ANO3: variants seen among roughly 807,000 people sequenced by gnomAD.
The protein encoded by ANO3 is anoctamin 3, also known as anoctamin-3.
ANO3 carries 99 observed loss-of-function variants against 144.8 expected under a neutral mutation model. The observed-to-expected ratio is 0.68, with a 90% confidence interval of 0.58 to 0.81. ANO3 has a LOEUF of 0.81. ANO3 is among the 30% of genes least tolerant of loss of function. The pLI, the probability that ANO3 is intolerant of heterozygous loss-of-function variation, is 0.00. For missense variants in ANO3, 905 were observed against 1,202.2 expected (o/e 0.75, Z 3.66); for synonymous variants, 414 against 392.6 (o/e 1.05, Z -0.64).
chr11:26,415,559 AT>A (rs555313033), intron 1 of ANO3, among the ~76,000 whole-genome samples: 3 of 151,832 alleles, frequency 2.0e-5, no homozygotes, highest in Admixed American at 2.0e-4. Context: ...TTGATTTTGC[AT>A]TTTTTTTGTT....
intron 3 of ANO3, among the ~76,000 whole-genome samples, chr11:26,450,742 T>C (rs893483182): frequency 1.3e-5 from 2 of 152,146 alleles, no homozygotes; most frequent in African/African-American, 4.8e-5. Context: ...AGACTCAAAT[T>C]AGACAATATT....
intron 14 of ANO3, 55 bp downstream of exon 14, chr11:26,559,834 TTAC>T: frequency 2.1e-6 from 2 of 953,190 alleles, no homozygotes. Context: ...TGTTTCTGTG[TTAC>T]ACACACACAC....
At chr11:26,220,249 C>G (rs888221182) in intron 1 of ANO3, among the ~76,000 whole-genome samples, 1 of 152,206 alleles carries the variant, frequency 6.6e-6, no homozygotes, top group African/African-American at 2.4e-5. Context: ...CTTGGTGCAA[C>G]ACCCTTAAGT....
rs1203875524 is a variant in ANO3, at chr11:26,293,530, CATGTATATATAT to C, written c.155-16112_155-16101del. ...CAGTCTAGAGTGGGTCTATAAATTC[CATGTATATATAT>C]ATATATATATATATATATATATATA... On this transcript the variant is annotated intron_variant, in intron 1 of 27. Coordinates refer to the ANO3 transcript ENST00000672621. Among the ~76,000 whole-genome samples the C allele has an allele frequency of 7.7e-3, 481 of 62,422 alleles. 27 individuals are homozygous for C. Among genetic ancestry groups the C allele is most frequent in the Middle Eastern group, 0.041 (4 of 98 alleles). The allele number at this position is 62,422 out of a possible 152,430, so 41.0% of individuals were successfully genotyped here.
chr11:26,327,446 T>C (rs568006231), upstream of ANO3, among the ~76,000 whole-genome samples: 2 of 152,290 alleles, frequency 1.3e-5, no homozygotes, highest in Non-Finnish European at 2.9e-5. Flanking sequence ...AAAATATATC[T>C]TCATACAAGA....
intron 4 of ANO3, 49 bp from the exon 5 acceptor site, chr11:26,508,055 T>C: frequency 6.6e-7 from 1 of 1,525,178 alleles, no homozygotes. Context: ...AACTAAAACA[T>C]ACATGCTTGT....
intron 24 of ANO3, among the ~76,000 whole-genome samples, chr11:26,650,087 T>C (rs1284329454): frequency 1.3e-5 from 2 of 152,000 alleles, no homozygotes; most frequent in Non-Finnish European, 2.9e-5. Flanking sequence ...GTTAGGAATA[T>C]AGACTAATTT....
intron 14 of ANO3, among the ~76,000 whole-genome samples, chr11:26,593,278 C>G (rs1047251016): frequency 1.3e-5 from 2 of 152,142 alleles, no homozygotes; most frequent in Non-Finnish European, 2.9e-5. Context: ...TGTATAATGG[C>G]CCCTGCTTTT....
At chr11:26,594,527 G>T (rs1000114752) in intron 14 of ANO3, among the ~76,000 whole-genome samples, 13 of 152,140 alleles carry the variant, frequency 8.5e-5, no homozygotes, top group Non-Finnish European at 1.8e-4. Flanking sequence ...CTTCAAGTCT[G>T]AGAGGGAAAA....
rs562074758 is a variant in ANO3 at position 26,350,583 on chromosome 11, T to C, written c.46+18262T>C. On this transcript the variant is annotated intron_variant, in intron 1 of 26. Transcript: ENST00000256737. ...TCCAGTTTACTTAGGCTTAATTCTG[T>C]GTTTAAGTGAATCAGTGTTCAATCT... 1.2e-4 allele frequency among the ~76,000 whole-genome samples: 18 copies of C among 152,284 alleles called. No individual in the cohort carries two copies. In the South Asian group the frequency reaches 3.7e-3, roughly 32 times the overall value.
chr11:26,343,395 TTTGAA>T (rs1367454262), intron 1 of ANO3, among the ~76,000 whole-genome samples: 1 of 152,210 alleles, frequency 6.6e-6, no homozygotes, highest in South Asian at 2.1e-4. Flanking sequence ...CATTTTCTCT[TTTGAA>T]TGTACGTGCA....
chr11:26,224,112 C>T (rs544588848), intron 1 of ANO3, among the ~76,000 whole-genome samples: 4 of 152,306 alleles, frequency 2.6e-5, no homozygotes, highest in Admixed American at 2.0e-4. Flanking sequence ...CCTCCTGACT[C>T]ATGCCCTCCT....
chr11:26,319,699 T>A (rs1017353637), intron 1 of ANO3, among the ~76,000 whole-genome samples: 1 of 152,326 alleles, frequency 6.6e-6, no homozygotes, highest in East Asian at 1.9e-4. Context: ...TTTTTGCTAA[T>A]GAGAAAAGCT....
chr11:26,302,670 G>T (rs904105599), intron 1 of ANO3, among the ~76,000 whole-genome samples: 1 of 152,054 alleles, frequency 6.6e-6, no homozygotes, highest in South Asian at 2.1e-4. Flanking sequence ...GGGATGTGTT[G>T]AAAGTACACA....
intron 1 of ANO3, among the ~76,000 whole-genome samples, chr11:26,244,213 G>T (rs1208699310): frequency 6.6e-6 from 1 of 151,912 alleles, no homozygotes; most frequent in Non-Finnish European, 1.5e-5. Context: ...CAAACATGTA[G>T]TTTTTACCTT....
At chr11:26,309,935 G>T (rs996764212) in intron 1 of ANO3, among the ~76,000 whole-genome samples, 1 of 152,044 alleles carries the variant, frequency 6.6e-6, no homozygotes, top group South Asian at 2.1e-4. Context: ...TAATAAAAAC[G>T]CATTTACTTA....
intron 17 of ANO3, among the ~76,000 whole-genome samples, chr11:26,605,613 T>C (rs1851913880): frequency 6.6e-6 from 1 of 152,210 alleles, no homozygotes. Context: ...AATATGTTAC[T>C]GTTATTGGTC....
At chr11:26,262,488 G>A (rs542894925) in intron 1 of ANO3, among the ~76,000 whole-genome samples, 1 of 152,242 alleles carries the variant, frequency 6.6e-6, no homozygotes, top group East Asian at 1.9e-4. Context: ...AGCTTATACT[G>A]TGGGATGACA....
chr11:26,282,997 G>C (rs1853713228), intron 1 of ANO3, among the ~76,000 whole-genome samples: 1 of 151,636 alleles, frequency 6.6e-6, no homozygotes, highest in Non-Finnish European at 1.5e-5. Context: ...GTCTTTATTT[G>C]AATGCATTTT....
Sources: allele counts gnomAD v4.1 joint callset (sites outside exome capture counted in the v4.1 genomes callset), GRCh38; gene constraint gnomAD v4.1.1; transcripts MANE v1.5; gene names NCBI Gene and HGNC (gene_info 2026-07-23, HGNC 2026-07-21).